The following KDM4C variants were observed in gnomAD, a reference collection of about 807,000 sequenced individuals.
The protein encoded by KDM4C is lysine demethylase 4C.
Under a neutral mutation model 129.3 loss-of-function variants are expected in KDM4C, and 81 were observed. The observed-to-expected ratio is 0.63, with a 90% confidence interval of 0.52 to 0.75. The LOEUF (loss-of-function observed/expected upper bound fraction) is 0.75, where lower values mean the gene tolerates loss of function less well. Ranked by LOEUF, KDM4C falls within the 30% of genes least tolerant of loss-of-function variation. The pLI is 0.00. For synonymous variants in KDM4C, 573 were observed against 456.1 expected, an observed-to-expected ratio of 1.26 and a Z score of -3.26; for missense variants, 1,457 against 1,304.0, an observed-to-expected ratio of 1.12 and a Z score of -1.81.
At chr9:6,819,830 C>A (rs62568867) in intron 4 of KDM4C, among the ~76,000 whole-genome samples, 18,901 of 152,094 alleles carry the variant, frequency 0.12, 1,476 homozygotes, top group African/African-American at 0.2. Flanking sequence ...TGTTGACTGT[C>A]TTATCTTTAT....
chr9:6,902,965 C>T (rs1277255919), intron 8 of KDM4C, among the ~76,000 whole-genome samples: 1 of 152,054 alleles, frequency 6.6e-6, no homozygotes, highest in Non-Finnish European at 1.5e-5. Context: ...TCTTGTGCCC[C>T]TTGTTGAATT....
intron 19 of KDM4C, among the ~76,000 whole-genome samples, chr9:7,152,343 T>C (rs1340599425): frequency 1.3e-5 from 2 of 152,224 alleles, no homozygotes; most frequent in Non-Finnish European, 2.9e-5. Context: ...GTTGCATATA[T>C]TTGGCAAGTA....
chr9:6,746,370 G>A (rs990426552), intron 1 of KDM4C, among the ~76,000 whole-genome samples: 2 of 144,866 alleles, frequency 1.4e-5, no homozygotes, highest in East Asian at 2.1e-4. Flanking sequence ...CCGGGTTCAC[G>A]CCATTCTCCT....
intron 21 of KDM4C, among the ~76,000 whole-genome samples, chr9:7,172,873 G>A (rs894823559): frequency 6.6e-6 from 1 of 152,248 alleles, no homozygotes; most frequent in Non-Finnish European, 1.5e-5. Context: ...GTGTGTTGAT[G>A]TCATCAGAAG....
chr9:6,989,168 C>T (rs1290472688), intron 11 of KDM4C, among the ~76,000 whole-genome samples: 1 of 152,130 alleles, frequency 6.6e-6, no homozygotes, highest in Non-Finnish European at 1.5e-5. Context: ...TCGTATATTG[C>T]ATTTGTCATT....
chr9:7,097,160 A>T (rs1386214224), intron 17 of KDM4C, among the ~76,000 whole-genome samples: 1 of 151,964 alleles, frequency 6.6e-6, no homozygotes, highest in Non-Finnish European at 1.5e-5. Flanking sequence ...TGGCTTTCTT[A>T]TTCCTTTAAA....
intron 17 of KDM4C, among the ~76,000 whole-genome samples, chr9:7,094,846 G>C (rs1240809784): frequency 6.6e-6 from 1 of 152,168 alleles, no homozygotes; most frequent in Non-Finnish European, 1.5e-5. Flanking sequence ...TGAAAGACAA[G>C]AGGCAAAGAG....
intron 8 of KDM4C, among the ~76,000 whole-genome samples, chr9:6,956,599 G>A (rs1018035807): frequency 6.6e-6 from 1 of 152,138 alleles, no homozygotes; most frequent in Admixed American, 6.5e-5. Flanking sequence ...ATTTGTTTAT[G>A]TATTATCTAA....
chr9:6,828,083 G>C (rs768263442), intron 4 of KDM4C, among the ~76,000 whole-genome samples: 2 of 152,200 alleles, frequency 1.3e-5, no homozygotes, highest in Non-Finnish European at 2.9e-5. Flanking sequence ...TGTTGCCCCT[G>C]AGAATGGTGC....
At chr9:6,766,968 A>G (rs763381579) in intron 1 of KDM4C, among the ~76,000 whole-genome samples, 1 of 149,832 alleles carries the variant, frequency 6.7e-6, no homozygotes, top group Non-Finnish European at 1.5e-5. Flanking sequence ...TCCAGTCCTC[A>G]GGACAGGCTT....
chr9:6,723,340 A>G (rs1405612307), intron 1 of KDM4C, among the ~76,000 whole-genome samples: 3 of 151,962 alleles, frequency 2.0e-5, no homozygotes, highest in African/African-American at 7.2e-5. Context: ...ACGCCACTGC[A>G]CTCCAGCCTG....
chr9:6,863,895 G>T (rs940938426), intron 5 of KDM4C, among the ~76,000 whole-genome samples: 1 of 151,542 alleles, frequency 6.6e-6, no homozygotes, highest in Non-Finnish European at 1.5e-5. Flanking sequence ...ACCCATTACC[G>T]TGAAGATGGC....
intron 17 of KDM4C, among the ~76,000 whole-genome samples, chr9:7,089,175 T>C (rs1005002342): frequency 6.6e-6 from 1 of 152,234 alleles, no homozygotes; most frequent in Non-Finnish European, 1.5e-5. Context: ...TAATTTACCA[T>C]GTTTTAATGT....
chr9:7,038,079 A>G (rs1372278847), intron 15 of KDM4C, among the ~76,000 whole-genome samples: 1 of 152,126 alleles, frequency 6.6e-6, no homozygotes, highest in Non-Finnish European at 1.5e-5. Flanking sequence ...GTACACTGAA[A>G]GAGTCTGGAA....
chr9:6,980,756 C>G (rs1375849017), intron 8 of KDM4C, among the ~76,000 whole-genome samples, 169 bp from the exon 9 acceptor site: 1 of 152,170 alleles, frequency 6.6e-6, no homozygotes, highest in Non-Finnish European at 1.5e-5. Context: ...ATTCTCATCT[C>G]TATTCAGAAG....
intron 12 of KDM4C, among the ~76,000 whole-genome samples, chr9:6,996,164 A>G (rs936834104): frequency 6.6e-6 from 1 of 152,092 alleles, no homozygotes; most frequent in African/African-American, 2.4e-5. Flanking sequence ...GCCCATTTTG[A>G]TGTGATTCAC....
chr9:6,761,590 G>T (rs1485744144), intron 1 of KDM4C, among the ~76,000 whole-genome samples: 1 of 152,152 alleles, frequency 6.6e-6, no homozygotes, highest in Non-Finnish European at 1.5e-5. Flanking sequence ...AAAGTGCTAG[G>T]ATGACAGGCG....
chr9:6,800,825 G>A (rs1483092596), intron 2 of KDM4C, among the ~76,000 whole-genome samples: 2 of 152,012 alleles, frequency 1.3e-5, no homozygotes, highest in Non-Finnish European at 2.9e-5. Flanking sequence ...CTGAGCTTTC[G>A]CCATGTTGCC....
At chr9:6,840,260 A>G (rs1331894206) in intron 4 of KDM4C, among the ~76,000 whole-genome samples, 1 of 151,158 alleles carries the variant, frequency 6.6e-6, no homozygotes, top group Non-Finnish European at 1.5e-5. Flanking sequence ...TTTTATAGAA[A>G]TGGGGTTTTG....
Sources: allele counts gnomAD v4.1 joint callset (sites outside exome capture counted in the v4.1 genomes callset), GRCh38; gene constraint gnomAD v4.1.1; transcripts MANE v1.5; gene names NCBI Gene and HGNC (gene_info 2026-07-23, HGNC 2026-07-21).